Variants in ATXN2 observed in about 807,000 individuals in gnomAD.
The protein encoded by ATXN2 is ataxin 2, also known as ataxin-2.
A neutral mutation model predicts 138.6 loss-of-function variants in ATXN2; 37 were observed. The ratio of observed to expected loss-of-function variants is 0.27; its 90% CI spans 0.21 to 0.35. The LOEUF (loss-of-function observed/expected upper bound fraction) is 0.35, where lower values mean the gene tolerates loss of function less well. ATXN2 is among the 10% of genes least tolerant of loss of function. The pLI is 1.00. For synonymous variants in ATXN2, 549 were observed against 543.7 expected (o/e 1.01, Z -0.13); for missense variants, 1,216 against 1,480.3 (o/e 0.82, Z 2.93).
intron 21 of ATXN2, among the ~76,000 whole-genome samples, chr12:111,463,428 G>A (rs1185761994): frequency 6.6e-6 from 1 of 152,090 alleles, no homozygotes; most frequent in Non-Finnish European, 1.5e-5. Context: ...CCAAGTAGCT[G>A]GGACTACAGG....
intron 1 of ATXN2, among the ~76,000 whole-genome samples, chr12:111,557,848 A>C (rs1234489254): frequency 6.6e-6 from 1 of 152,190 alleles, no homozygotes; most frequent in Non-Finnish European, 1.5e-5. Flanking sequence ...AAAATGCCTA[A>C]ATCTTACTTA....
intron 1 of ATXN2, among the ~76,000 whole-genome samples, chr12:111,590,466 C>G (rs1200921580): frequency 1.3e-5 from 2 of 151,962 alleles, no homozygotes. Flanking sequence ...TTGGGCGGAT[C>G]ACAAGGTCAG....
Position 111,513,359 on chromosome 12 carries a change from C to G in ATXN2, c.1556G>C (p.Gly519Ala). 6.2e-7 allele frequency: 1 copy of G among 1,612,010 alleles called. No homozygotes were observed. Among genetic ancestry groups the G allele is most frequent in the Non-Finnish European group, 8.5e-7 (1 of 1,179,590 alleles). The part of the protein sequence containing the change: ...SGGTWSSVVS[G>A]VPRLSPKTHR... The stretch of plus-strand genomic sequence containing the variant: ...CATTATGCCCAAGTGTTACCTACCC[C>G]CACTGACCACTGATGACCACGTTCC... The change falls in exon 11 of 25, where the codon GGG becomes GCG. Residue 519 changes from glycine (G) to alanine (A), a missense_variant and splice_region_variant. Transcript: ENST00000673436.
intron 18 of ATXN2, among the ~76,000 whole-genome samples, chr12:111,474,772 C>T (rs752226264): frequency 5.3e-5 from 8 of 152,152 alleles, no homozygotes; most frequent in Non-Finnish European, 1.2e-4. Flanking sequence ...ATTAATGTCT[C>T]AATACATTCG....
intron 1 of ATXN2, among the ~76,000 whole-genome samples, chr12:111,583,779 A>AAC (rs1566080444): frequency 6.6e-6 from 1 of 150,944 alleles, no homozygotes; most frequent in Non-Finnish European, 1.5e-5. Context: ...AAAAAAAAAA[A>AAC]AAAAAAAAAA....
rs2239197 is a variant in ATXN2, at chr12:111,454,881, T to C, written c.3271-1036A>G. ...TGGTAGACACCTACAGGACCCCAGC[T>C]CTTATGAAGCTGACTCCACCAAACC... On this transcript the variant is annotated intron_variant, in intron 23 of 24. Coordinates refer to ENST00000673436, the MANE Select transcript of ATXN2 (RefSeq NM_001372574.1). The C allele has an allele frequency of 0.056, 32,973 of 586,788 alleles. 6,960 individuals carry two copies. In the East Asian group the frequency reaches 0.6, roughly 11 times the overall value. 36.3% of individuals were successfully genotyped at this position (586,788 alleles called of 1,614,324 possible).
chr12:111,477,902 C>T (rs758308632), intron 18 of ATXN2, among the ~76,000 whole-genome samples: 6 of 152,088 alleles, frequency 3.9e-5, no homozygotes, highest in Non-Finnish European at 7.4e-5. Context: ...TGTCCCACCT[C>T]AGCCCCCCAA....
At chr12:111,485,434 G>T (rs1301657824) in intron 17 of ATXN2, 103 bp from the exon 18 acceptor site, 43 of 1,179,802 alleles carry the variant, frequency 3.6e-5, no homozygotes, top group Non-Finnish European at 4.7e-5. Flanking sequence ...GCATGAGAAG[G>T]TTTCCTGATT....
At chr12:111,591,772 T>C (rs568357670) in intron 1 of ATXN2, among the ~76,000 whole-genome samples, 1 of 152,304 alleles carries the variant, frequency 6.6e-6, no homozygotes, top group South Asian at 2.1e-4. Context: ...GTTGTTGTTG[T>C]TGTTACTGTT....
At chr12:111,595,829 G>A (rs1360609617) in intron 1 of ATXN2, among the ~76,000 whole-genome samples, 3 of 147,404 alleles carry the variant, frequency 2.0e-5, no homozygotes, top group Non-Finnish European at 2.9e-5. Context: ...GGAGGCCGAG[G>A]CTGGCGAATC....
intron 5 of ATXN2, among the ~76,000 whole-genome samples, chr12:111,541,854 G>A (rs1881540156): frequency 6.9e-6 from 1 of 145,534 alleles, no homozygotes; most frequent in African/African-American, 2.5e-5. Context: ...TCAGCTCACT[G>A]CAACCTCCAC....
At chr12:111,592,782 C>CAATAAAAAA (rs1884735220) in intron 1 of ATXN2, among the ~76,000 whole-genome samples, 1 of 26,018 alleles carries the variant, frequency 3.8e-5, no homozygotes. Context: ...GACTCCGTCT[C>CAATAAAAAA]AAAAAAAAAA....
At chr12:111,590,873 A>G (rs1884622624) in intron 1 of ATXN2, among the ~76,000 whole-genome samples, 3 of 152,102 alleles carry the variant, frequency 2.0e-5, no homozygotes, top group Non-Finnish European at 4.4e-5. Context: ...TAACAAATGC[A>G]TAATGATCTG....
intron 3 of ATXN2, among the ~76,000 whole-genome samples, chr12:111,553,354 C>T (rs1376734629): frequency 6.6e-6 from 1 of 151,848 alleles, no homozygotes; most frequent in Admixed American, 6.6e-5. Context: ...CTTCAGATAC[C>T]GAATTACATA....
intron 20 of ATXN2, 108 bp downstream of exon 20, chr12:111,470,000 C>T (rs1223286820): frequency 7.8e-7 from 1 of 1,282,638 alleles, no homozygotes; most frequent in Non-Finnish European, 1.1e-6. Flanking sequence ...AGATTCTTGA[C>T]CCTCAATGTC....
At chr12:111,558,718 G>C (rs1882514766) in intron 1 of ATXN2, among the ~76,000 whole-genome samples, 1 of 152,090 alleles carries the variant, frequency 6.6e-6, no homozygotes, top group African/African-American at 2.4e-5. Context: ...GATCACTTGA[G>C]CCCAGGAGGT....
In ATXN2 at chr12:111,457,589, T is replaced by C. The variant is rs1163740639; in HGVS notation, c.2897-230A>G. The C allele has an allele frequency of 1.2e-5, 5 of 401,400 alleles. No individual in the cohort carries two copies. In the Admixed American group the frequency reaches 1.7e-4, roughly 14 times the overall value. 24.9% of individuals were successfully genotyped at this position (401,400 alleles called of 1,614,324 possible). ...TATAATACAGCTCTACATATGATATTAAAATCAAATTAGTTTGCATTTACT... is the reference window on the plus strand; with the variant it reads ...TATAATACAGCTCTACATATGATATCAAAATCAAATTAGTTTGCATTTACT... On this transcript the variant is annotated intron_variant, in intron 21 of 24. Transcript: ENST00000673436.
intron 21 of ATXN2, among the ~76,000 whole-genome samples, chr12:111,460,367 C>T (rs1251608952): frequency 6.6e-6 from 1 of 152,232 alleles, no homozygotes; most frequent in Non-Finnish European, 1.5e-5. Context: ...AGCCACCGCG[C>T]CCAGCCACAA....
At chr12:111,547,453 C>T (rs373718245) in intron 5 of ATXN2, among the ~76,000 whole-genome samples, 6 of 144,280 alleles carry the variant, frequency 4.2e-5, no homozygotes, top group Non-Finnish European at 7.6e-5. Context: ...TGGCTGGGCG[C>T]GGTGGCTCAC....
Sources: gnomAD v4.1 joint callset for allele counts (sites outside exome capture counted in the v4.1 genomes callset) on GRCh38, gnomAD v4.1.1 for gene constraint, MANE v1.5 for transcripts, NCBI Gene and HGNC (gene_info 2026-07-23, HGNC 2026-07-21) for gene names.